The following PCDHGB2 variants were observed in gnomAD, a reference collection of about 807,000 sequenced individuals.
PCDHGB2 encodes protocadherin gamma-B2.
PCDHGB2 carries 55 observed loss-of-function variants against 59.3 expected under a neutral mutation model. The observed-to-expected ratio is 0.93, with a 90% CI of 0.75 to 1.16. PCDHGB2 has a LOEUF of 1.16. PCDHGB2 is among the 50% of genes most tolerant of loss of function. The pLI, the probability that PCDHGB2 is intolerant of heterozygous loss-of-function variation, is 0.00. For synonymous variants in PCDHGB2, 516 were observed against 512.0 expected (o/e 1.01, Z -0.11); for missense variants, 1,228 against 1,198.5 (o/e 1.02, Z -0.36).
chr5:141,501,288 T>TATACACATAC (rs201660636), intron 2 of PCDHGB2, among the ~76,000 whole-genome samples: 2 of 81,228 alleles, frequency 2.5e-5, no homozygotes, highest in African/African-American at 9.9e-5. Flanking sequence ...GATATTCCCT[T>TATACACATAC]ATACACACAC....
rs755254491 is a variant in PCDHGB2, at chr5:141,409,746, T to TCG, written c.2421+47194_2421+47195dup. On this transcript the variant is annotated intron_variant, in intron 1 of 3. Transcript: ENST00000522605. ...GTGAGCGCGCAGAGCGGGGTGGTGT[T>TCG]CGCGCAGCGCGCCTTTGATCACGAG... The TCG allele has an allele frequency of 3.1e-6, 5 of 1,613,024 alleles. No homozygotes were observed. The South Asian group carries it at 5.5e-5, about 18-fold the overall frequency.
In PCDHGB2 at chr5:141,374,128, G is replaced by T. The variant is rs376765941; in HGVS notation, c.2421+11572G>T. Reference sequence around the variant, plus strand: ...ATCCGCAGCGCAGCGAGCAGGTCCTGCTCCTCACGCTCCTGGGGACGCTGT... The same window carrying T: ...ATCCGCAGCGCAGCGAGCAGGTCCTTCTCCTCACGCTCCTGGGGACGCTGT... On this transcript the variant is annotated intron_variant, in intron 1 of 3. Coordinates refer to ENST00000522605, the MANE Select transcript of PCDHGB2 (RefSeq NM_018923.3). The T allele has an allele frequency of 4.4e-6, 7 of 1,603,372 alleles. No homozygotes were observed. The African/African-American group carries it at 8.0e-5, about 18-fold the overall frequency.
At chr5:141,422,002 G>A (rs754599902) in intron 1 of PCDHGB2, 41 of 1,609,306 alleles carry the variant, frequency 2.5e-5, no homozygotes, top group Non-Finnish European at 3.1e-5. Flanking sequence ...CATCAGCTCC[G>A]GAACTCGGGT....
At position 141,476,744 on chromosome 5, in the gene PCDHGB2, CT is replaced by C; in HGVS notation, c.2422-18062del. ...CCTGGACCGAGAACGGGAGCCTAGT[CT>C]CCAGTTAGTGCTGACGGCGTTGGAC... is the stretch of plus-strand genomic sequence containing the variant. On this transcript the variant is annotated intron_variant, in intron 1 of 3. Coordinates refer to ENST00000522605, the MANE Select transcript of PCDHGB2 (RefSeq NM_018923.3). The surrounding 1 kb of genome is among the most constrained non-coding windows in gnomAD (Gnocchi z 7.6). 6.2e-7 allele frequency: 1 copy of C among 1,614,046 alleles called. No homozygotes were observed. Among genetic ancestry groups the C allele is most frequent in the East Asian group, 2.2e-5 (1 of 44,884 alleles).
chr5:141,384,218 T>C (rs1245580303), intron 1 of PCDHGB2: 2 of 1,613,904 alleles, frequency 1.2e-6, no homozygotes, highest in Non-Finnish European at 1.7e-6. Context: ...CACATATTCA[T>C]GCAGGTGGCA....
At chr5:141,478,845 A>G in intron 1 of PCDHGB2, 2 of 1,389,784 alleles carry the variant, frequency 1.4e-6, no homozygotes, top group Non-Finnish European at 9.5e-7. Flanking sequence ...TGGTTAAGCT[A>G]AAACACAAGA....
intron 1 of PCDHGB2, chr5:141,379,749 T>A (rs1396117156): frequency 6.6e-6 from 1 of 152,138 alleles, no homozygotes; most frequent in African/African-American, 2.4e-5. Flanking sequence ...ATGAGGTTCT[T>A]TAATCCACCT....
rs762612048 is a variant in PCDHGB2 at position 141,388,612 on chromosome 5, G to A, written c.2421+26056G>A. The A allele has an allele frequency of 2.5e-5, 40 of 1,613,954 alleles. No homozygotes were observed. The East Asian group carries it at 5.3e-4, about 22-fold the overall frequency. ...GCCAATGATAATGCTCCAGTGTTCAGTCAAGACGTATACAGGGTGAGCCTT... is the reference window on the plus strand; with the variant it reads ...GCCAATGATAATGCTCCAGTGTTCAATCAAGACGTATACAGGGTGAGCCTT... On this transcript the variant is annotated intron_variant, in intron 1 of 3. Coordinates refer to ENST00000522605, the MANE Select transcript of PCDHGB2 (RefSeq NM_018923.3).
Position 141,486,616 on chromosome 5 carries a change from C to A in PCDHGB2, c.2422-8191C>A. On this transcript the variant is annotated intron_variant, in intron 1 of 3. Transcript: ENST00000522605. The surrounding 1 kb of genome is among the most constrained non-coding windows in gnomAD (Gnocchi z 5.0). ...TGCTTTGCTCCCTTGCAGCCTCTGACCCAGACTCTGGCTTGAATGCGCTTA... is the reference window on the plus strand; with the variant it reads ...TGCTTTGCTCCCTTGCAGCCTCTGAACCAGACTCTGGCTTGAATGCGCTTA... The A allele has an allele frequency of 6.2e-7, 1 of 1,613,618 alleles. No individual in the cohort carries two copies. Among genetic ancestry groups the A allele is most frequent in the Non-Finnish European group, 8.5e-7 (1 of 1,180,022 alleles).
chr5:141,417,839 C>A, intron 1 of PCDHGB2: 1 of 1,534,218 alleles, frequency 6.5e-7, no homozygotes, highest in South Asian at 1.2e-5. Flanking sequence ...AGCGGGGACC[C>A]AGCGAGAACC....
At chr5:141,393,435 C>T in intron 1 of PCDHGB2, 1 of 1,614,014 alleles carries the variant, frequency 6.2e-7, no homozygotes. Context: ...AGAGGCTGCT[C>T]ACCACCTGGT....
intron 1 of PCDHGB2, chr5:141,405,463 A>C: frequency 8.5e-7 from 1 of 1,181,354 alleles, no homozygotes. Flanking sequence ...TCTGTTACCC[A>C]GGCTGGAATG....
chr5:141,423,809 G>C, intron 1 of PCDHGB2: 1 of 1,260,030 alleles, frequency 7.9e-7, no homozygotes, highest in Non-Finnish European at 1.0e-6. Context: ...ATACATGTGA[G>C]TTTTACTTTG....
At chr5:141,427,984 C>G (rs754620535) in intron 1 of PCDHGB2, 2 of 1,597,494 alleles carry the variant, frequency 1.3e-6, no homozygotes, top group South Asian at 2.2e-5. Flanking sequence ...GCGCTGGGGC[C>G]CGATGGCTCC....
In PCDHGB2 at chr5:141,511,308, G is replaced by A. The variant is rs76613492; in HGVS notation, c.*135G>A. ...AGGGGCCAAGGCCATGCTCCCCTTG[G>A]GAAACAGAAACAAGTGCCCAGTCAG... is the stretch of plus-strand genomic sequence containing the variant. On this transcript the variant is annotated 3_prime_UTR_variant, in exon 4 of 4. Coordinates refer to ENST00000522605, the MANE Select transcript of PCDHGB2 (RefSeq NM_018923.3). 1.1e-3 allele frequency: 1,589 copies of A among 1,487,716 alleles called. 16 individuals carry two copies. In the African/African-American group the frequency reaches 0.021, roughly 19 times the overall value. The allele number at this position is 1,487,716 out of a possible 1,614,324, so 92.2% of individuals were successfully genotyped here.
intron 1 of PCDHGB2, among the ~76,000 whole-genome samples, chr5:141,462,763 G>A (rs935087747): frequency 2.6e-5 from 4 of 152,036 alleles, no homozygotes; most frequent in Non-Finnish European, 4.4e-5. Context: ...TTTTCTTCCT[G>A]GCTTGGGGTC....
At chr5:141,447,370 C>A (rs2098536615) in intron 1 of PCDHGB2, among the ~76,000 whole-genome samples, 1 of 151,612 alleles carries the variant, frequency 6.6e-6, no homozygotes, top group African/African-American at 2.4e-5. Context: ...AACTCCTGAC[C>A]CTGGTGATCT....
At chr5:141,383,102 C>T (rs991434235) in intron 1 of PCDHGB2, 1 of 1,614,004 alleles carries the variant, frequency 6.2e-7, no homozygotes, top group Non-Finnish European at 8.5e-7. Context: ...CGCATCATCT[C>T]CAGAGGTAGG....
chr5:141,392,273 G>A (rs1037062086), intron 1 of PCDHGB2: 3 of 152,178 alleles, frequency 2.0e-5, no homozygotes, highest in Admixed American at 2.0e-4. Flanking sequence ...TTACAATAAA[G>A]CTTAGAGCAC....
Sources: allele counts gnomAD v4.1 joint callset (sites outside exome capture counted in the v4.1 genomes callset), GRCh38; gene constraint gnomAD v4.1.1; non-coding constraint Gnocchi (gnomAD v3.1); transcripts MANE v1.5; gene names NCBI Gene and HGNC (gene_info 2026-07-23, HGNC 2026-07-21).